C6orf58: variants seen among roughly 807,000 people sequenced by gnomAD.
C6orf58 encodes protein LEG1 homolog.
A neutral mutation model predicts 37.0 loss-of-function variants in C6orf58; 30 were observed. The ratio of observed to expected loss-of-function variants is 0.81; its 90% CI spans 0.61 to 1.10. The LOEUF (loss-of-function observed/expected upper bound fraction) is 1.10, where lower values mean the gene tolerates loss of function less well. C6orf58 is among the 50% of genes least tolerant of loss of function. The pLI, the probability that C6orf58 is intolerant of heterozygous loss-of-function variation, is 0.00. For synonymous variants in C6orf58, 143 were observed against 134.1 expected (o/e 1.07, Z -0.46); for missense variants, 368 against 387.5 (o/e 0.95, Z 0.42).
intron 4 of C6orf58, 36 bp downstream of exon 4, chr6:127,581,318 T>C: frequency 1.1e-6 from 1 of 947,092 alleles, no homozygotes; most frequent in Non-Finnish European, 1.5e-6. Flanking sequence ...CTATTTAATA[T>C]GATAAATAAT....
chr6:127,589,139 C>T (rs923470690), intron 4 of C6orf58, among the ~76,000 whole-genome samples: 2 of 152,052 alleles, frequency 1.3e-5, no homozygotes, highest in Admixed American at 6.6e-5. Flanking sequence ...AATTTCTAGA[C>T]ATGATAATAG....
intron 4 of C6orf58, among the ~76,000 whole-genome samples, chr6:127,586,786 A>G (rs1775111878): frequency 6.6e-6 from 1 of 152,314 alleles, no homozygotes; most frequent in South Asian, 2.1e-4. Flanking sequence ...CTTTGCATTC[A>G]GTATATCATT....
intron 4 of C6orf58, among the ~76,000 whole-genome samples, chr6:127,586,999 G>A (rs962553477): frequency 5.9e-5 from 9 of 152,310 alleles, no homozygotes; most frequent in African/African-American, 2.2e-4. Flanking sequence ...CTTTTACCCA[G>A]AAGGTATTAC....
At chr6:127,586,138 A>T (rs1045402614) in intron 4 of C6orf58, among the ~76,000 whole-genome samples, 3 of 152,166 alleles carry the variant, frequency 2.0e-5, no homozygotes, top group Non-Finnish European at 4.4e-5. Flanking sequence ...TGATAAATCT[A>T]TGAATTATAC....
At chr6:127,583,812 A>G (rs1420448986) in intron 4 of C6orf58, among the ~76,000 whole-genome samples, 1 of 152,230 alleles carries the variant, frequency 6.6e-6, no homozygotes, top group Non-Finnish European at 1.5e-5. Context: ...GGCAAAATGC[A>G]TTGAAGCCTC....
At chr6:127,578,075 C>T (rs1312569869) in intron 1 of C6orf58, among the ~76,000 whole-genome samples, 5 of 151,930 alleles carry the variant, frequency 3.3e-5, no homozygotes, top group Non-Finnish European at 7.4e-5. Context: ...GTGCCTGTTG[C>T]CCACTCCCTG....
chr6:127,586,868 C>T (rs79027886), intron 4 of C6orf58, among the ~76,000 whole-genome samples: 1 of 152,140 alleles, frequency 6.6e-6, no homozygotes, highest in Non-Finnish European at 1.5e-5. Flanking sequence ...TTCAAGGACC[C>T]TCTGTTCTAC....
chr6:127,589,533 G>A (rs1207955480), intron 4 of C6orf58, among the ~76,000 whole-genome samples: 1 of 152,170 alleles, frequency 6.6e-6, no homozygotes, highest in African/African-American at 2.4e-5. Flanking sequence ...AATAGTTACA[G>A]AGGCTTTTCT....
intron 5 of C6orf58, among the ~76,000 whole-genome samples, chr6:127,590,645 T>C (rs904909347): frequency 6.6e-6 from 1 of 150,830 alleles, no homozygotes; most frequent in Non-Finnish European, 1.5e-5. Flanking sequence ...CATCAGATCA[T>C]TTAAAAAAAA....
At chr6:127,587,789 G>A (rs749497679) in intron 4 of C6orf58, among the ~76,000 whole-genome samples, 3 of 152,168 alleles carry the variant, frequency 2.0e-5, no homozygotes, top group Non-Finnish European at 4.4e-5. Flanking sequence ...GATTAATTAA[G>A]AAATCCATAG....
intron 4 of C6orf58, among the ~76,000 whole-genome samples, chr6:127,582,905 A>G (rs553096301): frequency 1.2e-3 from 190 of 152,306 alleles, no homozygotes; most frequent in African/African-American, 4.4e-3. Flanking sequence ...AAATAAAAAT[A>G]TATTCTGGAA....
intron 3 of C6orf58, among the ~76,000 whole-genome samples, chr6:127,580,829 T>C (rs1275986143): frequency 1.3e-5 from 2 of 152,100 alleles, no homozygotes; most frequent in African/African-American, 4.8e-5. Context: ...GATTATTGCA[T>C]TAGTTTAGAT....
At position 127,590,306 on chromosome 6, in the gene C6orf58, C is replaced by T. The variant is rs1300368787; in HGVS notation, c.894C>T (p.Asp298=). 6.2e-7 allele frequency: 1 copy of T among 1,606,084 alleles called. No homozygotes were observed. The highest frequency in any genetic ancestry group is 2.2e-5 in the East Asian group (1 of 44,836). ...NVVLVLLNML[D]NVDKSIGYLC... Reference sequence around the variant, plus strand: ...TCCTGGTTCTTCTAAATATGCTTGACAATGTGGATAAATCTATAGGTAAGA... The same window carrying T: ...TCCTGGTTCTTCTAAATATGCTTGATAATGTGGATAAATCTATAGGTAAGA... Residue 298 remains aspartate, a synonymous_variant, in exon 5 of 6, where the codon GAC becomes GAT. Coordinates refer to ENST00000329722, the MANE Select transcript of C6orf58 (RefSeq NM_001010905.3).
intron 4 of C6orf58, among the ~76,000 whole-genome samples, chr6:127,584,733 C>G (rs1048563429): frequency 6.6e-6 from 1 of 151,064 alleles, no homozygotes; most frequent in Non-Finnish European, 1.5e-5. Context: ...GAGATTGCAC[C>G]ACTGCACTCC....
At chr6:127,587,588 T>C (rs1398872722) in intron 4 of C6orf58, among the ~76,000 whole-genome samples, 1 of 152,204 alleles carries the variant, frequency 6.6e-6, no homozygotes, top group Non-Finnish European at 1.5e-5. Context: ...TATTACAAGA[T>C]TCAAGGCTAA....
At chr6:127,580,154 T>C in intron 2 of C6orf58, 111 bp from the exon 3 acceptor site, 1 of 735,034 alleles carries the variant, frequency 1.4e-6, no homozygotes, top group South Asian at 2.3e-5. Context: ...TGGTTAGCTT[T>C]TATAATGTTT....
chr6:127,586,933 C>G (rs1178490379), intron 4 of C6orf58, among the ~76,000 whole-genome samples: 1 of 152,142 alleles, frequency 6.6e-6, no homozygotes, highest in African/African-American at 2.4e-5. Flanking sequence ...GGAAGGAAAT[C>G]TTTGTATATG....
chr6:127,582,896 A>G (rs1371453778), intron 4 of C6orf58, among the ~76,000 whole-genome samples: 2 of 152,174 alleles, frequency 1.3e-5, no homozygotes, highest in Admixed American at 6.5e-5. Context: ...ATCCTCCACA[A>G]ATAAAAATAT....
intron 1 of C6orf58, among the ~76,000 whole-genome samples, chr6:127,577,952 C>T (rs1463287299): frequency 2.6e-5 from 4 of 152,098 alleles, no homozygotes; most frequent in African/African-American, 4.8e-5. Flanking sequence ...TTTGCTTCCT[C>T]TTGGAAATAA....
Sources: allele counts gnomAD v4.1 joint callset (sites outside exome capture counted in the v4.1 genomes callset), GRCh38; gene constraint gnomAD v4.1.1; transcripts MANE v1.5; gene names NCBI Gene and HGNC (gene_info 2026-07-23, HGNC 2026-07-21).